CERS5: variants seen among roughly 807,000 people sequenced by gnomAD.
CERS5 encodes the protein ceramide synthase 5.
In CERS5, 37 loss-of-function variants were observed where a neutral mutation model predicts 58.9. The observed-to-expected ratio is 0.63, with a 90% CI of 0.48 to 0.83. The LOEUF (loss-of-function observed/expected upper bound fraction) is 0.83. CERS5 is among the 40% of genes least tolerant of loss of function. The pLI is 0.00. For missense variants in CERS5, 398 were observed against 489.3 expected (o/e 0.81, Z 1.76); for synonymous variants, 147 against 177.8 (o/e 0.83, Z 1.38).
intron 1 of CERS5, chr12:50,165,105 A>G (rs1364443012): frequency 6.6e-6 from 1 of 152,056 alleles, no homozygotes; most frequent in Non-Finnish European, 1.5e-5. Context: ...AGGATGACTA[A>G]CTACAACGAT....
chr12:50,166,467 T>A (rs1002289891), intron 1 of CERS5, among the ~76,000 whole-genome samples: 1 of 152,180 alleles, frequency 6.6e-6, no homozygotes, highest in Non-Finnish European at 1.5e-5. Flanking sequence ...GCAACTAATC[T>A]GACATCTTTC....
intron 4 of CERS5, among the ~76,000 whole-genome samples, chr12:50,139,478 G>A (rs1278121697): frequency 2.0e-5 from 3 of 151,884 alleles, no homozygotes; most frequent in Middle Eastern, 6.8e-3. Context: ...GTAAGACCCT[G>A]TCTTTAAAAA....
chr12:50,129,617 T>G lies in CERS5; in HGVS notation c.*928A>C, dbSNP rs1951203700. ...GCCTCCCAGGTTCAAGTGATTCTTC[T>G]TTTTCTTAAAAAACATAAAGCTCTA... On this transcript the variant is annotated 3_prime_UTR_variant, in exon 10 of 10. Coordinates refer to ENST00000317551, the MANE Select transcript of CERS5 (RefSeq NM_147190.5). The G allele has an allele frequency of 6.6e-6, 1 of 151,870 alleles. No individual in the cohort carries two copies. Among genetic ancestry groups the G allele is most frequent in the African/African-American group, 2.4e-5 (1 of 41,324 alleles). The allele number at this position is 151,870 out of a possible 1,614,324, so 9.4% of individuals were successfully genotyped here. A position where few individuals can be genotyped will look rare whatever the true frequency, so the allele number is the denominator to read the frequency against.
intron 1 of CERS5, among the ~76,000 whole-genome samples, chr12:50,157,602 T>C (rs1239468722): frequency 1.3e-5 from 2 of 152,106 alleles, no homozygotes; most frequent in Non-Finnish European, 2.9e-5. Flanking sequence ...AATGGTTCTC[T>C]TCAAATTCCA....
At chr12:50,155,736 CAAAAAAAAAAAA>C (rs146913126) in intron 1 of CERS5, among the ~76,000 whole-genome samples, 1 of 21,478 alleles carries the variant, frequency 4.7e-5, no homozygotes, top group East Asian at 1.4e-3. Flanking sequence ...GACTCCATCT[CAAAAAAAAAAAA>C]AAAAAAAAAA....
At chr12:50,165,856 G>C (rs1473030451) in intron 1 of CERS5, 2 of 415,728 alleles carry the variant, frequency 4.8e-6, no homozygotes, top group Non-Finnish European at 9.6e-6. Context: ...CTCCTTTCTT[G>C]GAGTCTGAGT....
At chr12:50,157,856 G>A (rs1218511419) in intron 1 of CERS5, among the ~76,000 whole-genome samples, 2 of 152,026 alleles carry the variant, frequency 1.3e-5, no homozygotes, top group Non-Finnish European at 2.9e-5. Context: ...CATCACTTGA[G>A]CTCAGGAGTT....
chr12:50,134,641 G>C lies in CERS5; in HGVS notation c.934C>G (p.Leu312Val), dbSNP rs754153083. 1 of 1,614,032 alleles carries C rather than the reference G, an allele frequency of 6.2e-7. No homozygotes were observed. The highest frequency in any genetic ancestry group is 2.2e-5 in the East Asian group (1 of 44,894). The change falls in exon 9 of 10, where the codon CTC (leucine) becomes GTC (valine). Residue 312 changes from leucine to valine, a missense_variant. Transcript: ENST00000317551. ...EIIGPYASWW[L>V]LNGLLLTLQL... ...AGGGTCAGCAGCAGGCCATTGAGGA[G>C]CCACCATGAAGCATAAGGCCCGATT...
intron 9 of CERS5, chr12:50,133,641 G>C: frequency 1.0e-6 from 1 of 985,510 alleles, no homozygotes; most frequent in Non-Finnish European, 1.2e-6. Flanking sequence ...ATCCACTGAA[G>C]CAGGTAGGTA....
intron 1 of CERS5, among the ~76,000 whole-genome samples, chr12:50,155,521 G>C (rs1413284205): frequency 6.6e-6 from 1 of 151,488 alleles, no homozygotes; most frequent in Non-Finnish European, 1.5e-5. Context: ...TGGATCACGA[G>C]GTCAAGAGAT....
rs74090077 is a variant in CERS5, at chr12:50,132,763, A to G, written c.1029+1783T>C. ...GTAAACAGAGACTCAAGAAAAACAA[A>G]AAAAAGTAGACTCAATTCTTGCCTC... On this transcript the variant is annotated intron_variant, in intron 9 of 9. Transcript: ENST00000317551. Among the ~76,000 whole-genome samples, 1,513 of 152,268 alleles carry G rather than the reference A, an allele frequency of 9.9e-3. 21 individuals carry two copies. The highest frequency in any genetic ancestry group is 0.034 in the African/African-American group (1,427 of 41,536).
intron 1 of CERS5, chr12:50,153,710 T>G (rs1364178138): frequency 3.8e-6 from 1 of 264,458 alleles, no homozygotes; most frequent in African/African-American, 2.3e-5. Context: ...ATCCCAGCAC[T>G]TTGGGAGGCT....
At chr12:50,138,019 A>G (rs1475375598) in intron 5 of CERS5, among the ~76,000 whole-genome samples, 199 bp from the exon 6 acceptor site, 1 of 152,184 alleles carries the variant, frequency 6.6e-6, no homozygotes, top group African/African-American at 2.4e-5. Flanking sequence ...CTCTGCACAC[A>G]CATCTTCAGC....
chr12:50,162,072 C>T (rs1199992271), intron 1 of CERS5, among the ~76,000 whole-genome samples: 6 of 151,384 alleles, frequency 4.0e-5, no homozygotes, highest in Non-Finnish European at 8.8e-5. Context: ...GACAGGGTTT[C>T]ACCATGTTGG....
chr12:50,167,047 G>C, intron 1 of CERS5, 54 bp downstream of exon 1: 4 of 1,360,964 alleles, frequency 2.9e-6, no homozygotes, highest in African/African-American at 1.5e-5. Context: ...TTCCCACAGC[G>C]GGGCGCCCCC....
chr12:50,161,784 G>GAAAAAAGAAAAAAAAAAAAAAA (rs1939295618), intron 1 of CERS5, among the ~76,000 whole-genome samples: 1 of 90,862 alleles, frequency 1.1e-5, no homozygotes, highest in Non-Finnish European at 1.9e-5. Context: ...CTCAAAAAAA[G>GAAAAAAGAAAAAAAAAAAAAAA]AAAAAAAAAA....
At chr12:50,140,477 G>GT (rs1951914366) in intron 4 of CERS5, among the ~76,000 whole-genome samples, 1 of 151,718 alleles carries the variant, frequency 6.6e-6, no homozygotes, top group African/African-American at 2.4e-5. Flanking sequence ...TAGAGATAGA[G>GT]TTTTGCCCTG....
chr12:50,167,133 C>A lies in CERS5; in HGVS notation c.165G>T (p.Ala55=), dbSNP rs1940000652. 1 of 1,572,520 alleles carries A rather than the reference C, an allele frequency of 6.4e-7. No homozygotes were observed. The change falls in exon 1 of 10, where the codon GCG becomes GCT. Residue 55 remains alanine, a synonymous_variant. Transcript: ENST00000317551. ...RHILSVFPLA[A]GIFFVRLLFE... is the part of the protein sequence containing the mutation. ...AGAGCAGCCTCACGAAGAAGATGCC[C>A]GCCGCCAGCGGGAACACCGAGAGGA... is the stretch of plus-strand genomic sequence containing the variant.
At chr12:50,145,164 G>GAATA (rs1952199949) in intron 1 of CERS5, 5 of 139,660 alleles carry the variant, frequency 3.6e-5, no homozygotes, top group Non-Finnish European at 7.7e-5. Context: ...AAAAGAAGAA[G>GAATA]AATAAAAAAT....
Sources: gnomAD v4.1 joint callset for allele counts (sites outside exome capture counted in the v4.1 genomes callset) on GRCh38, gnomAD v4.1.1 for gene constraint, MANE v1.5 for transcripts, NCBI Gene and HGNC (gene_info 2026-07-23, HGNC 2026-07-21) for gene names.